Variants in DDX1 observed in about 807,000 individuals in gnomAD.
The protein encoded by DDX1 is DEAD-box helicase 1.
In DDX1, 28 loss-of-function variants were observed where a neutral mutation model predicts 108.7. The observed-to-expected ratio is 0.26, with a 90% CI of 0.19 to 0.35. The LOEUF is 0.35. Ranked by LOEUF, DDX1 falls within the 10% of genes least tolerant of loss-of-function variation. The pLI, the probability that DDX1 is intolerant of heterozygous loss-of-function variation, is 1.00. For synonymous variants in DDX1, 295 were observed against 288.9 expected (o/e 1.02, Z -0.21); for missense variants, 710 against 884.5 (o/e 0.80, Z 2.50).
chr2:15,607,137 G>A (rs1665675827), intron 12 of DDX1, 38 bp from the exon 13 acceptor site: 1 of 1,590,248 alleles, frequency 6.3e-7, no homozygotes, highest in Non-Finnish European at 8.6e-7. Flanking sequence ...ATTATAAAGT[G>A]TGCTTTGAAT....
chr2:15,622,785 G>A (rs1446216305), intron 18 of DDX1, among the ~76,000 whole-genome samples: 1 of 152,066 alleles, frequency 6.6e-6, no homozygotes, highest in Admixed American at 6.5e-5. Context: ...GCTTAGTTTA[G>A]ACTAACAATT....
In DDX1 at chr2:15,595,132, T is replaced by G. The variant is rs570496070; in HGVS notation, c.17-13T>G. On this transcript the variant is annotated splice_polypyrimidine_tract_variant and intron_variant, in intron 1 of 25. Transcript: ENST00000233084. ...CAGTTTATGTGGTTTTTAAAATTAATTTTTACTTTCAGAGATGGGTGTAAT... is the reference window on the plus strand; with the variant it reads ...CAGTTTATGTGGTTTTTAAAATTAAGTTTTACTTTCAGAGATGGGTGTAAT... 2.5e-6 allele frequency: 4 copies of G among 1,598,862 alleles called. No homozygotes were observed. In the African/African-American group the frequency reaches 5.4e-5, roughly 22 times the overall value.
At position 15,617,233 on chromosome 2, in the gene DDX1, C is replaced by A; in HGVS notation, c.1018-11C>A. The A allele has an allele frequency of 6.7e-7, 1 of 1,503,046 alleles. No individual in the cohort carries two copies. The highest frequency in any genetic ancestry group is 9.0e-7 in the Non-Finnish European group (1 of 1,105,374). The allele number at this position is 1,503,046 out of a possible 1,614,324, so 93.1% of individuals were successfully genotyped here. A position where few individuals can be genotyped will look rare whatever the true frequency, so the allele number is the denominator to read the frequency against. On this transcript the variant is annotated splice_polypyrimidine_tract_variant and intron_variant, in intron 14 of 25. Coordinates refer to ENST00000233084, the MANE Select transcript of DDX1 (RefSeq NM_004939.3). ...TAGTTTTCATTAAGTGGTTGGTTTG[C>A]TTTTTTTCAGGTAGATATAGTTGTA...
chr2:15,619,693 T>G (rs115600449), intron 16 of DDX1, among the ~76,000 whole-genome samples: 1 of 152,224 alleles, frequency 6.6e-6, no homozygotes, highest in Non-Finnish European at 1.5e-5. Context: ...CTTTTAGAAA[T>G]AGAAGGAAAT....
In DDX1 at chr2:15,628,427, C is replaced by T; in HGVS notation, c.1687-18C>T. 6.3e-7 allele frequency: 1 copy of T among 1,585,846 alleles called. No homozygotes were observed. Among genetic ancestry groups the T allele is most frequent in the South Asian group, 1.1e-5 (1 of 90,374 alleles). On this transcript the variant is annotated intron_variant, in intron 20 of 25. Coordinates refer to ENST00000233084, the MANE Select transcript of DDX1 (RefSeq NM_004939.3). ...TATGTGCTAACAAACTCCTTTCTCT[C>T]TTCACTGTTCTCTTTAGAAAGGAGA...
At chr2:15,611,760 C>T (rs1573043786) in intron 13 of DDX1, among the ~76,000 whole-genome samples, 2 of 109,142 alleles carry the variant, frequency 1.8e-5, no homozygotes, top group Non-Finnish European at 3.7e-5. Flanking sequence ...ACCTCCCTCC[C>T]GGACGGGGTG....
rs1665676554 is a variant in DDX1 at position 15,607,191 on chromosome 2, A to G, written c.834A>G (p.Thr278=). The change falls in exon 13 of 26, where the codon ACA becomes ACG. Residue 278 remains threonine, a synonymous_variant. Coordinates refer to ENST00000233084, the MANE Select transcript of DDX1 (RefSeq NM_004939.3). ...TTCCCTAAGGTAATGCACAGGTGAC[A>G]CAAACAAAGTTTCTCCCCAATGCTC... ...KSQHSGNAQV[T]QTKFLPNAPK... 3 of 1,614,124 alleles carry G rather than the reference A, an allele frequency of 1.9e-6. No homozygotes were observed. The East Asian group carries it at 6.7e-5, about 36-fold the overall frequency.
chr2:15,597,398 G>T lies in DDX1; in HGVS notation c.186G>T (p.Gln62His). 6.2e-7 allele frequency: 1 copy of T among 1,606,278 alleles called. No homozygotes were observed. The highest frequency in any genetic ancestry group is 1.1e-5 in the South Asian group (1 of 89,168). ...KTGAFSIPVI[Q>H]IVYETLKDQQ... ...AGGCTTTTAGTATTCCAGTTATCCA[G>T]ATAGTTTATGAAACTCTGAAAGACC... The change falls in exon 5 of 26, where the codon CAG (glutamine) becomes CAT (histidine). Residue 62 changes from glutamine to histidine, a missense_variant. Transcript: ENST00000233084.
intron 14 of DDX1, among the ~76,000 whole-genome samples, chr2:15,616,652 A>G (rs1466191833): frequency 6.6e-6 from 1 of 152,224 alleles, no homozygotes; most frequent in Non-Finnish European, 1.5e-5. Flanking sequence ...TACTTGTAAA[A>G]CATTTTGCAG....
chr2:15,601,690 G>T lies in DDX1; in HGVS notation c.308-858G>T, dbSNP rs201087860. Among the ~76,000 whole-genome samples the T allele has an allele frequency of 1.1e-4, 16 of 152,260 alleles. No individual in the cohort carries two copies. In the East Asian group the frequency reaches 2.1e-3, roughly 20 times the overall value. On this transcript the variant is annotated intron_variant, in intron 6 of 25. Transcript: ENST00000233084. ...TCCTAGATAACTTTTTAAAAGTTCA[G>T]TTCTACATAATTCAGTACCCATATG...
intron 10 of DDX1, 86 bp from the exon 11 acceptor site, chr2:15,605,864 C>A: frequency 2.2e-6 from 2 of 893,884 alleles, no homozygotes; most frequent in Non-Finnish European, 3.4e-6. Flanking sequence ...GGCATGAATG[C>A]AGGTAAGCTG....
rs944030023 is a variant in DDX1, at chr2:15,607,301, A to G, written c.944A>G (p.Asn315Ser). The change falls in exon 13 of 26, where the codon AAT becomes AGT. Residue 315 changes from asparagine to serine, a missense_variant. Transcript: ENST00000233084. ...NIKQFKKYIDNPKLRELLIIG... is the reference protein window; with the variant it reads ...NIKQFKKYIDSPKLRELLIIG... ...AAGCAGTTTAAGAAATACATTGATAATCCTAAATTAAGGTAAATCTTCCTT... is the reference window on the plus strand; with the variant it reads ...AAGCAGTTTAAGAAATACATTGATAGTCCTAAATTAAGGTAAATCTTCCTT... The G allele has an allele frequency of 6.2e-7, 1 of 1,612,892 alleles. No homozygotes were observed. Among genetic ancestry groups the G allele is most frequent in the African/African-American group, 1.3e-5 (1 of 74,908 alleles).
Position 15,629,535 on chromosome 2 carries a change from T to A in DDX1, c.1876-67T>A, listed in dbSNP as rs908172837. ...GGACAGAAAACAATTAAAAACAAAT[T>A]TAGAATAAGATATTTAGCATGTCTC... On this transcript the variant is annotated intron_variant, in intron 23 of 25. Transcript: ENST00000233084. The A allele has an allele frequency of 4.2e-6, 5 of 1,192,330 alleles. No homozygotes were observed. In the Admixed American group the frequency reaches 1.2e-4, roughly 30 times the overall value. The allele number at this position is 1,192,330 out of a possible 1,614,324, so 73.9% of individuals were successfully genotyped here. A position where few individuals can be genotyped will look rare whatever the true frequency, so the allele number is the denominator to read the frequency against.
At chr2:15,619,375 C>T (rs1333120612) in intron 16 of DDX1, among the ~76,000 whole-genome samples, 8 of 152,160 alleles carry the variant, frequency 5.3e-5, no homozygotes, top group African/African-American at 1.9e-4. Flanking sequence ...GGGAGCGGGT[C>T]CTGCCCAGCT....
intron 14 of DDX1, among the ~76,000 whole-genome samples, chr2:15,616,202 C>T (rs191255911): frequency 2.0e-5 from 3 of 152,244 alleles, no homozygotes; most frequent in Admixed American, 6.5e-5. Flanking sequence ...CGTGAGCCAC[C>T]GCGCCGGCCC....
intron 20 of DDX1, chr2:15,627,595 C>G (rs1250504743): frequency 3.2e-5 from 5 of 156,250 alleles, no homozygotes; most frequent in Non-Finnish European, 7.1e-5. Flanking sequence ...GCTTGCAGCA[C>G]ATGAACGGGT....
At chr2:15,609,786 T>G (rs147412554) in intron 13 of DDX1, among the ~76,000 whole-genome samples, 168 of 152,354 alleles carry the variant, frequency 1.1e-3, no homozygotes, top group African/African-American at 3.8e-3. Context: ...AGTCCAAACC[T>G]AGGAACTTGA....
intron 9 of DDX1, 92 bp downstream of exon 9, chr2:15,603,982 C>T: frequency 1.3e-6 from 1 of 795,796 alleles, no homozygotes; most frequent in Non-Finnish European, 2.0e-6. Context: ...ACAAATGATT[C>T]TCAAAATGAG....
In DDX1 at chr2:15,613,223, G is replaced by T; in HGVS notation, c.957-1G>T. Reference sequence around the variant, plus strand: ...TATTATCATCTTGATATTTATTTCAGGGAGCTTCTGATAATTGGAGGTGTT... The same window carrying T: ...TATTATCATCTTGATATTTATTTCATGGAGCTTCTGATAATTGGAGGTGTT... On this transcript the variant is annotated splice_acceptor_variant, in intron 13 of 25. Coordinates refer to ENST00000233084, the MANE Select transcript of DDX1 (RefSeq NM_004939.3). LOFTEE classifies it high-confidence loss of function. 6.3e-7 allele frequency: 1 copy of T among 1,586,430 alleles called. No individual in the cohort carries two copies. Among genetic ancestry groups the T allele is most frequent in the Non-Finnish European group, 8.6e-7 (1 of 1,167,480 alleles).
Sources: gnomAD v4.1 joint callset for allele counts (sites outside exome capture counted in the v4.1 genomes callset) on GRCh38, gnomAD v4.1.1 for gene constraint, MANE v1.5 for transcripts, NCBI Gene and HGNC (gene_info 2026-07-23, HGNC 2026-07-21) for gene names.